Variants in CCSER1 observed in about 807,000 individuals in gnomAD.
CCSER1 encodes coiled-coil serine rich protein 1.
Under a neutral mutation model 82.0 loss-of-function variants are expected in CCSER1, and 41 were observed. The ratio of observed to expected loss-of-function variants is 0.50; its 90% CI spans 0.39 to 0.65. The LOEUF (loss-of-function observed/expected upper bound fraction) is 0.65. CCSER1 is among the 30% of genes least tolerant of loss of function. The pLI is 0.00. For synonymous variants in CCSER1, 414 were observed against 383.9 expected (o/e 1.08, Z -0.92); for missense variants, 1,119 against 1,064.2 (o/e 1.05, Z -0.72).
chr4:90,556,734 C>A (rs985779348), intron 5 of CCSER1, among the ~76,000 whole-genome samples: 1 of 151,278 alleles, frequency 6.6e-6, no homozygotes, highest in Non-Finnish European at 1.5e-5. Flanking sequence ...GGTTTATAGG[C>A]TGAGGAAGAG....
chr4:90,695,404 AATTTATGAG>A (rs1460608633), intron 6 of CCSER1, among the ~76,000 whole-genome samples: 19 of 151,984 alleles, frequency 1.3e-4, no homozygotes, highest in African/African-American at 4.6e-4. Flanking sequence ...GCACATTATC[AATTTATGAG>A]ATGTTACATT....
At chr4:90,538,128 G>A (rs555564923) in intron 5 of CCSER1, among the ~76,000 whole-genome samples, 1,764 of 152,088 alleles carry the variant, frequency 0.012, 29 homozygotes, top group African/African-American at 0.04. Flanking sequence ...ATATAAGGTG[G>A]ATTTTATTTT....
At chr4:91,176,158 G>A (rs1415784421) in intron 10 of CCSER1, among the ~76,000 whole-genome samples, 2 of 151,456 alleles carry the variant, frequency 1.3e-5, no homozygotes, top group Non-Finnish European at 2.9e-5. Context: ...TACTTATGAG[G>A]GCTCTGTTCT....
intron 10 of CCSER1, among the ~76,000 whole-genome samples, chr4:91,380,392 G>T (rs1325522034): frequency 2.0e-5 from 3 of 152,112 alleles, no homozygotes; most frequent in Non-Finnish European, 2.9e-5. Context: ...AAGTCTCTTT[G>T]TAGGTCTCTA....
chr4:91,266,834 A>G (rs181616476), intron 10 of CCSER1, among the ~76,000 whole-genome samples: 80 of 152,316 alleles, frequency 5.3e-4, no homozygotes, highest in Non-Finnish European at 1.0e-3. Context: ...GGCCTAAGGA[A>G]GGCTATATTC....
chr4:90,447,867 GA>G (rs1760874052), intron 4 of CCSER1, among the ~76,000 whole-genome samples: 1 of 152,042 alleles, frequency 6.6e-6, no homozygotes, highest in African/African-American at 2.4e-5. Flanking sequence ...TAATTACAAA[GA>G]ATATTTTCTT....
At chr4:91,463,541 C>T (rs1007585807) in intron 10 of CCSER1, among the ~76,000 whole-genome samples, 5 of 151,730 alleles carry the variant, frequency 3.3e-5, no homozygotes, top group Admixed American at 6.6e-5. Context: ...AGGCGTCAGA[C>T]GATCAAACTT....
intron 8 of CCSER1, among the ~76,000 whole-genome samples, chr4:90,845,077 G>C (rs901989815): frequency 1.3e-5 from 2 of 152,022 alleles, no homozygotes; most frequent in Non-Finnish European, 2.9e-5. Context: ...AAGAATATTT[G>C]TTAGGCCGGG....
At chr4:91,068,110 G>T (rs1238986453) in intron 9 of CCSER1, among the ~76,000 whole-genome samples, 6 of 152,138 alleles carry the variant, frequency 3.9e-5, no homozygotes. Context: ...ACTTTTGAAA[G>T]ATGTTATTAC....
At chr4:90,245,153 G>T (rs978252017) in intron 1 of CCSER1, among the ~76,000 whole-genome samples, 2 of 152,120 alleles carry the variant, frequency 1.3e-5, no homozygotes, top group South Asian at 2.1e-4. Flanking sequence ...GCTGATTATT[G>T]TATGTACTGG....
chr4:91,481,123 C>A (rs1578575181), intron 10 of CCSER1, among the ~76,000 whole-genome samples: 1 of 140,388 alleles, frequency 7.1e-6, no homozygotes, highest in East Asian at 2.3e-4. Context: ...CCTCTCCTTT[C>A]CTTTATGTCA....
intron 6 of CCSER1, among the ~76,000 whole-genome samples, chr4:90,657,767 T>A (rs1729976747): frequency 6.6e-6 from 1 of 152,218 alleles, no homozygotes; most frequent in Admixed American, 6.6e-5. Flanking sequence ...TCATGTAATT[T>A]CTTGAACACA....
chr4:91,471,402 G>C (rs1757265797), intron 10 of CCSER1, among the ~76,000 whole-genome samples: 1 of 151,884 alleles, frequency 6.6e-6, no homozygotes, highest in Admixed American at 6.6e-5. Flanking sequence ...GGCTGAAACA[G>C]TCAGACCTAC....
intron 10 of CCSER1, among the ~76,000 whole-genome samples, chr4:91,505,449 G>C (rs928098604): frequency 1.3e-4 from 20 of 152,066 alleles, no homozygotes; most frequent in African/African-American, 4.3e-4. Flanking sequence ...TATTCCTTTG[G>C]GTATATACCC....
intron 1 of CCSER1, among the ~76,000 whole-genome samples, chr4:90,284,986 A>G (rs1234099392): frequency 6.6e-6 from 1 of 151,818 alleles, no homozygotes; most frequent in African/African-American, 2.4e-5. Context: ...ATTCTGTTCA[A>G]TTGGTCTACA....
intron 10 of CCSER1, among the ~76,000 whole-genome samples, chr4:91,258,018 G>T (rs1272105612): frequency 6.6e-6 from 1 of 152,028 alleles, no homozygotes; most frequent in Non-Finnish European, 1.5e-5. Context: ...AAGAGAAAGA[G>T]CAAAGAAATA....
intron 8 of CCSER1, among the ~76,000 whole-genome samples, chr4:90,920,923 A>G (rs1320087488): frequency 6.6e-6 from 1 of 151,844 alleles, no homozygotes; most frequent in East Asian, 1.9e-4. Flanking sequence ...CAAGACTTTA[A>G]TCATTATATC....
At chr4:91,312,615 T>C (rs6532287) in intron 10 of CCSER1, among the ~76,000 whole-genome samples, 118,538 of 151,772 alleles carry the variant, frequency 0.78, 46,391 homozygotes, top group Middle Eastern at 0.84. Flanking sequence ...CAATACAGAC[T>C]GGTGGACTTT....
intron 1 of CCSER1, among the ~76,000 whole-genome samples, chr4:90,275,333 TTATGA>T (rs1401619329): frequency 6.6e-6 from 1 of 152,132 alleles, no homozygotes; most frequent in Non-Finnish European, 1.5e-5. Flanking sequence ...TTCACGTATC[TTATGA>T]TTAGTTTCAT....
Sources: gnomAD v4.1 joint callset for allele counts (sites outside exome capture counted in the v4.1 genomes callset) on GRCh38, gnomAD v4.1.1 for gene constraint, MANE v1.5 for transcripts, NCBI Gene and HGNC (gene_info 2026-07-23, HGNC 2026-07-21) for gene names.